The following RAD9B variants were observed in gnomAD, a reference collection of about 807,000 sequenced individuals.
The protein encoded by RAD9B is cell cycle checkpoint control protein RAD9B.
RAD9B carries 41 observed loss-of-function variants against 48.3 expected under a neutral mutation model. The observed-to-expected ratio is 0.85, with a 90% CI of 0.66 to 1.10. The LOEUF (loss-of-function observed/expected upper bound fraction) is 1.10, where lower values mean the gene tolerates loss of function less well. Among genes scored for constraint, RAD9B ranks in the 50% least tolerant of loss-of-function variants. The probability of loss-of-function intolerance (pLI) is 0.00; values close to 1 mark genes in which losing one functional copy is unlikely to be tolerated. For missense variants in RAD9B, 444 were observed against 485.1 expected (o/e 0.92, Z 0.80); for synonymous variants, 160 against 157.9 (o/e 1.01, Z -0.10).
intron 5 of RAD9B, 105 bp downstream of exon 5, chr12:110,512,983 T>A (rs985518443): frequency 8.5e-5 from 52 of 612,734 alleles, no homozygotes; most frequent in Middle Eastern, 2.8e-4. Flanking sequence ...TTTTTTTTTT[T>A]TATATGGAGT....
At chr12:110,526,838 G>A (rs2063955146) in intron 10 of RAD9B, among the ~76,000 whole-genome samples, 1 of 151,614 alleles carries the variant, frequency 6.6e-6, no homozygotes, top group African/African-American at 2.4e-5. Context: ...GAACCCAGGA[G>A]GCGGAGCTTG....
chr12:110,530,135 C>T (rs1037063167), intron 10 of RAD9B, among the ~76,000 whole-genome samples: 16 of 152,190 alleles, frequency 1.1e-4, no homozygotes, highest in South Asian at 4.2e-4. Flanking sequence ...CTCCGCCTCC[C>T]GGGTTCACGC....
intron 2 of RAD9B, among the ~76,000 whole-genome samples, chr12:110,504,716 A>G (rs2063209291): frequency 6.6e-6 from 1 of 151,770 alleles, no homozygotes. Context: ...AAGGCTCATG[A>G]CTGGGTGTGG....
intron 4 of RAD9B, 31 bp from the exon 5 acceptor site, chr12:110,512,748 A>C: frequency 1.1e-6 from 1 of 902,100 alleles, no homozygotes. Flanking sequence ...TGTACTTAAA[A>C]TTATTAAGAG....
At chr12:110,526,875 C>T (rs1057005383) in intron 10 of RAD9B, among the ~76,000 whole-genome samples, 6 of 148,948 alleles carry the variant, frequency 4.0e-5, no homozygotes, top group Non-Finnish European at 8.9e-5. Flanking sequence ...TGCCACCGCA[C>T]TCCAGCCTAG....
At position 110,527,746 on chromosome 12, in the gene RAD9B, G is replaced by A. The variant is rs147144862; in HGVS notation, c.1126-2779G>A. ...CTAAATATATAATTTTTGAAAGGCT[G>A]TGTTTAGTTCAATAAAGGAGAAGTT... On this transcript the variant is annotated intron_variant, in intron 10 of 10. Coordinates refer to ENST00000409300, the MANE Select transcript of RAD9B (RefSeq NM_001286535.2). 3.5e-3 allele frequency among the ~76,000 whole-genome samples: 534 copies of A among 152,334 alleles called. 2 individuals carry two copies. Among genetic ancestry groups the A allele is most frequent in the African/African-American group, 0.012 (501 of 41,576 alleles).
intron 10 of RAD9B, among the ~76,000 whole-genome samples, chr12:110,524,533 G>A (rs2063875993): frequency 6.6e-6 from 1 of 152,176 alleles, no homozygotes; most frequent in South Asian, 2.1e-4. Context: ...TTGCACTCTA[G>A]CCTGGGCGAC....
In RAD9B at chr12:110,512,896, G is replaced by T. The variant is rs969854470; in HGVS notation, c.488+18G>T. On this transcript the variant is annotated intron_variant, in intron 5 of 10. Transcript: ENST00000409300. ...CAACCAAGGTAATGAGTTCTCTGTT[G>T]TCAGTTTTTTTCACCTGAATACAGT... 2 of 1,311,090 alleles carry T rather than the reference G, an allele frequency of 1.5e-6. No individual in the cohort carries two copies. The highest frequency in any genetic ancestry group is 1.1e-6 in the Non-Finnish European group (1 of 915,902). The allele number at this position is 1,311,090 out of a possible 1,614,324, so 81.2% of individuals were successfully genotyped here. A position where few individuals can be genotyped will look rare whatever the true frequency, so the allele number is the denominator to read the frequency against.
chr12:110,517,656 TTA>T, intron 6 of RAD9B, among the ~76,000 whole-genome samples: 1 of 151,180 alleles, frequency 6.6e-6, no homozygotes, highest in Non-Finnish European at 1.5e-5. Context: ...TAAAGTAATG[TTA>T]TATGTGTATG....
chr12:110,508,188 A>G (rs1271842269), intron 4 of RAD9B: 1 of 169,290 alleles, frequency 5.9e-6, no homozygotes, highest in Admixed American at 6.5e-5. Flanking sequence ...GGGACAGTGC[A>G]TAAGCTCTCT....
At chr12:110,503,387 C>G (rs1161507865) in intron 1 of RAD9B, 1 of 168,878 alleles carries the variant, frequency 5.9e-6, no homozygotes, top group African/African-American at 2.4e-5. Context: ...CCCCTAATTT[C>G]TCTCTCATGA....
At chr12:110,525,350 T>G (rs1265343560) in intron 10 of RAD9B, among the ~76,000 whole-genome samples, 7 of 152,080 alleles carry the variant, frequency 4.6e-5, no homozygotes, top group African/African-American at 1.7e-4. Context: ...GGTCTCAAAC[T>G]CCTGACCTCA....
At chr12:110,519,730 C>G (rs2063718113) in intron 8 of RAD9B, 64 bp from the exon 9 acceptor site, 3 of 1,534,568 alleles carry the variant, frequency 2.0e-6, no homozygotes, top group Non-Finnish European at 2.6e-6. Context: ...AGTATCATTT[C>G]TAATGTGTTT....
At chr12:110,527,026 T>C (rs1346045545) in intron 10 of RAD9B, among the ~76,000 whole-genome samples, 2 of 152,090 alleles carry the variant, frequency 1.3e-5, no homozygotes, top group South Asian at 2.1e-4. Flanking sequence ...ACAACATGAA[T>C]TGAGTATCTT....
intron 10 of RAD9B, among the ~76,000 whole-genome samples, chr12:110,528,072 C>T (rs940200471): frequency 2.6e-5 from 4 of 152,154 alleles, no homozygotes; most frequent in Admixed American, 1.3e-4. Context: ...GCTGTGCAAG[C>T]GGCCAAAGTA....
chr12:110,515,927 C>T (rs2063589384), intron 6 of RAD9B, among the ~76,000 whole-genome samples: 1 of 152,038 alleles, frequency 6.6e-6, no homozygotes, highest in African/African-American at 2.4e-5. Context: ...CTATTATTAT[C>T]CCCATTTTAC....
In RAD9B at chr12:110,527,043, C is replaced by CA. The variant is rs559755102; in HGVS notation, c.1126-3482_1126-3481insA. ...AACATGAATTGAGTATCTTACAGTT[C>CA]CAAAGGTCGGAAGTCCTAATTGGGT... On this transcript the variant is annotated intron_variant, in intron 10 of 10. Coordinates refer to ENST00000409300, the MANE Select transcript of RAD9B (RefSeq NM_001286535.2). Among the ~76,000 whole-genome samples, 209 of 152,098 alleles carry CA rather than the reference C, an allele frequency of 1.4e-3. 1 individual carries two copies. The highest frequency in any genetic ancestry group is 6.8e-3 in the Middle Eastern group (2 of 294).
At chr12:110,515,604 T>C (rs141561519) in intron 6 of RAD9B, among the ~76,000 whole-genome samples, 167 of 152,242 alleles carry the variant, frequency 1.1e-3, no homozygotes, top group African/African-American at 3.8e-3. Context: ...GAGGTTGCAA[T>C]GAGCCAAGAT....
chr12:110,520,040 C>A, intron 9 of RAD9B, 124 bp downstream of exon 9: 2 of 1,029,708 alleles, frequency 1.9e-6, no homozygotes, highest in Non-Finnish European at 2.8e-6. Flanking sequence ...CAAATTTTGA[C>A]TGAATACAGA....
Sources: gnomAD v4.1 joint callset for allele counts (sites outside exome capture counted in the v4.1 genomes callset) on GRCh38, gnomAD v4.1.1 for gene constraint, MANE v1.5 for transcripts, NCBI Gene and HGNC (gene_info 2026-07-23, HGNC 2026-07-21) for gene names.